Variants in RAPGEF2 observed in about 807,000 individuals in gnomAD.
RAPGEF2 encodes Rap guanine nucleotide exchange factor 2, also known as PDZ domain containing guanine nucleotide exchange factor (GEF) 1.
In RAPGEF2, 54 loss-of-function variants were observed where a neutral mutation model predicts 186.7. The observed-to-expected ratio is 0.29, with a 90% CI of 0.23 to 0.36. The LOEUF (loss-of-function observed/expected upper bound fraction) is 0.36. RAPGEF2 is among the 10% of genes least tolerant of loss of function. The pLI, the probability that RAPGEF2 is intolerant of heterozygous loss-of-function variation, is 1.00. For synonymous variants in RAPGEF2, 712 were observed against 705.9 expected (o/e 1.01, Z -0.14); for missense variants, 1,532 against 2,045.0 (o/e 0.75, Z 4.84).
intron 7 of RAPGEF2, among the ~76,000 whole-genome samples, chr4:159,277,496 G>A (rs1457927056): frequency 2.6e-5 from 4 of 152,122 alleles, no homozygotes; most frequent in South Asian, 2.1e-4. Context: ...CTGAGGAATC[G>A]CCACACTGAC....
At chr4:159,149,710 G>GTA (rs1743326279) in intron 1 of RAPGEF2, among the ~76,000 whole-genome samples, 1 of 152,152 alleles carries the variant, frequency 6.6e-6, no homozygotes, top group Non-Finnish European at 1.5e-5. Flanking sequence ...ATTTCTGTGT[G>GTA]TATAGTACTG....
At chr4:159,209,720 C>T (rs149041988) in intron 3 of RAPGEF2, among the ~76,000 whole-genome samples, 116 of 152,306 alleles carry the variant, frequency 7.6e-4, no homozygotes, top group Non-Finnish European at 1.5e-3. Flanking sequence ...GACAGTTTGA[C>T]AATACCTAAG....
chr4:159,294,634 T>TCTTCCTTCCTTCCTTC (rs1207452261), intron 7 of RAPGEF2, among the ~76,000 whole-genome samples: 4,980 of 132,762 alleles, frequency 0.038, 175 homozygotes, highest in East Asian at 0.058. Context: ...AGCTTCCATT[T>TCTTCCTTCCTTCCTTC]CTTCCTTCCT....
At chr4:159,297,169 C>G (rs1762126401) in intron 7 of RAPGEF2, among the ~76,000 whole-genome samples, 1 of 152,192 alleles carries the variant, frequency 6.6e-6, no homozygotes, top group South Asian at 2.1e-4. Context: ...ATCAAGCCCT[C>G]TCTGTTACAA....
chr4:159,132,370 A>G (rs1370116002), intron 1 of RAPGEF2, among the ~76,000 whole-genome samples: 1 of 152,142 alleles, frequency 6.6e-6, no homozygotes, highest in Non-Finnish European at 1.5e-5. Context: ...TATGGTTGTG[A>G]TGGGTGTGTG....
chr4:159,339,137 G>GT lies in RAPGEF2; in HGVS notation c.2322dup (p.Lys775Ter). 6.2e-7 allele frequency: 1 copy of GT among 1,614,048 alleles called. No homozygotes were observed. The highest frequency in any genetic ancestry group is 8.5e-7 in the Non-Finnish European group (1 of 1,179,966). On this transcript the variant is annotated frameshift_variant, in exon 19 of 30. Coordinates refer to ENST00000691494, the MANE Select transcript of RAPGEF2 (RefSeq NM_001394067.2). LOFTEE classifies it high-confidence loss of function. The stretch of plus-strand genomic sequence containing the variant: ...AGACTTGCCAGATCAAGTGCTAAGG[G>GT]TTTTTAAGGCTGATCAGCAAAGCCG...
At chr4:159,244,106 A>G (rs1754329872) in intron 7 of RAPGEF2, among the ~76,000 whole-genome samples, 1 of 151,980 alleles carries the variant, frequency 6.6e-6, no homozygotes, top group South Asian at 2.1e-4. Flanking sequence ...TAAAAAAATG[A>G]AGAGAGAAAG....
chr4:159,306,302 T>G (rs1763291164), intron 8 of RAPGEF2, among the ~76,000 whole-genome samples: 1 of 152,150 alleles, frequency 6.6e-6, no homozygotes, highest in Non-Finnish European at 1.5e-5. Flanking sequence ...CTACAATTTC[T>G]TTCATCAGTG....
At chr4:159,286,409 C>G (rs1001682121) in intron 7 of RAPGEF2, among the ~76,000 whole-genome samples, 101 of 152,118 alleles carry the variant, frequency 6.6e-4, no homozygotes, top group African/African-American at 2.3e-3. Context: ...CTAGAGTTCC[C>G]CTTATTTCTC....
At chr4:159,253,025 T>G (rs987405649) in intron 7 of RAPGEF2, among the ~76,000 whole-genome samples, 1 of 152,270 alleles carries the variant, frequency 6.6e-6, no homozygotes, top group South Asian at 2.1e-4. Flanking sequence ...AATATTGGTC[T>G]AATAGACAGT....
Position 159,161,707 on chromosome 4 carries a change from G to A in RAPGEF2, c.70-24935G>A, listed in dbSNP as rs149311286. 4.8e-3 allele frequency among the ~76,000 whole-genome samples: 737 copies of A among 152,212 alleles called. 3 individuals are homozygous for A. Among genetic ancestry groups the A allele is most frequent in the African/African-American group, 0.017 (701 of 41,526 alleles). On this transcript the variant is annotated intron_variant, in intron 1 of 29. Coordinates refer to ENST00000691494, the MANE Select transcript of RAPGEF2 (RefSeq NM_001394067.2). Reference sequence around the variant, plus strand: ...AGCCTGGGTGACAGAGCAAGGTCCTGTCTCAAAAATAAAAATAAAAAAAAT... The same window carrying A: ...AGCCTGGGTGACAGAGCAAGGTCCTATCTCAAAAATAAAAATAAAAAAAAT...
intron 1 of RAPGEF2, among the ~76,000 whole-genome samples, chr4:159,162,983 C>T (rs887526247): frequency 5.3e-5 from 8 of 151,988 alleles, no homozygotes; most frequent in Admixed American, 1.3e-4. Flanking sequence ...TTTTTGTTAC[C>T]TGGTACCTCC....
At chr4:159,299,116 G>A (rs1249771963) in intron 7 of RAPGEF2, among the ~76,000 whole-genome samples, 1 of 152,026 alleles carries the variant, frequency 6.6e-6, no homozygotes, top group African/African-American at 2.4e-5. Context: ...TGTTCATTTG[G>A]GTAAATTCTG....
At chr4:159,273,448 T>A (rs1758363364) in intron 7 of RAPGEF2, among the ~76,000 whole-genome samples, 1 of 152,208 alleles carries the variant, frequency 6.6e-6, no homozygotes, top group Admixed American at 6.5e-5. Context: ...ATACCTCATA[T>A]CTTTGCCTTT....
At chr4:159,232,347 A>G (rs1447016213) in intron 4 of RAPGEF2, among the ~76,000 whole-genome samples, 2 of 152,168 alleles carry the variant, frequency 1.3e-5, no homozygotes, top group Non-Finnish European at 2.9e-5. Context: ...GAATTTGCCT[A>G]TTCTAGATAT....
At chr4:159,348,242 A>AGATGGATG (rs57748987) in intron 25 of RAPGEF2, among the ~76,000 whole-genome samples, 10,130 of 145,002 alleles carry the variant, frequency 0.07, 399 homozygotes, top group Admixed American at 0.12. Flanking sequence ...ATAGATAGAT[A>AGATGGATG]GATGGATGGA....
intron 3 of RAPGEF2, among the ~76,000 whole-genome samples, chr4:159,194,625 AT>A (rs1748438994): frequency 6.6e-6 from 1 of 152,228 alleles, no homozygotes; most frequent in Non-Finnish European, 1.5e-5. Context: ...TAAACACAAG[AT>A]TATCAAGTCT....
chr4:159,266,888 T>C (rs1757501359), intron 7 of RAPGEF2: 1 of 181,316 alleles, frequency 5.5e-6, no homozygotes, highest in Non-Finnish European at 1.2e-5. Flanking sequence ...AGTGATATTA[T>C]TTGGAGTCAG....
intron 24 of RAPGEF2, among the ~76,000 whole-genome samples, chr4:159,345,667 C>A (rs980950090): frequency 6.6e-6 from 1 of 152,106 alleles, no homozygotes; most frequent in Non-Finnish European, 1.5e-5. Context: ...CACAAAGCTA[C>A]CCCCAAAGTA....
Sources: gnomAD v4.1 joint callset for allele counts (sites outside exome capture counted in the v4.1 genomes callset) on GRCh38, gnomAD v4.1.1 for gene constraint, MANE v1.5 for transcripts, NCBI Gene and HGNC (gene_info 2026-07-23, HGNC 2026-07-21) for gene names.